Variants in DMD observed in about 807,000 individuals in gnomAD.
The protein encoded by DMD is mutant dystrophin.
Under a neutral mutation model 330.1 loss-of-function variants are expected in DMD, and 63 were observed. The ratio of observed to expected loss-of-function variants is 0.19; its 90% confidence interval spans 0.16 to 0.24. The LOEUF (loss-of-function observed/expected upper bound fraction) is 0.24, where lower values mean the gene tolerates loss of function less well. Ranked by LOEUF, DMD falls within the 10% of genes least tolerant of loss-of-function variation. DMD has a pLI of 1.00. For missense variants in DMD, 3,344 were observed against 2,684.1 expected, an observed-to-expected ratio of 1.25 and a Z score of -5.43; for synonymous variants, 1,223 against 959.8, an observed-to-expected ratio of 1.27 and a Z score of -5.07.
chrX:32,301,618 G>C (rs2097524129), intron 42 of DMD, among the ~76,000 whole-genome samples: 1 of 110,557 alleles, frequency 9.0e-6, no homozygotes, highest in Non-Finnish European at 1.9e-5. Flanking sequence ...ATTTAACCAG[G>C]AGAAAATAAA....
chrX:32,582,728 T>G (rs1419587418), intron 13 of DMD, among the ~76,000 whole-genome samples: 1 of 111,539 alleles, frequency 9.0e-6, no homozygotes. Context: ...AAAACAAACT[T>G]AATGTGACTA....
At chrX:33,244,137 T>G (rs1425992550) in intron 1 of DMD, among the ~76,000 whole-genome samples, 2 of 111,543 alleles carry the variant, frequency 1.8e-5, no homozygotes, top group Admixed American at 1.9e-4. Context: ...AGGACTGTGT[T>G]GAATAGAAGT....
At chrX:32,130,026 T>A (rs1274739910) in intron 44 of DMD, among the ~76,000 whole-genome samples, 3 of 108,647 alleles carry the variant, frequency 2.8e-5, no homozygotes, top group African/African-American at 1.0e-4. Context: ...CTTTTTAAGC[T>A]GGCTTTTTTC....
intron 42 of DMD, among the ~76,000 whole-genome samples, chrX:32,288,855 T>G (rs1192528518): frequency 9.0e-6 from 1 of 111,533 alleles, no homozygotes; most frequent in Non-Finnish European, 1.9e-5. Flanking sequence ...TTTTTGAGTT[T>G]TTTCCTGCAA....
At chrX:31,384,314 CTACTACT>C (rs1569536353) in intron 60 of DMD, among the ~76,000 whole-genome samples, 101 of 44,196 alleles carry the variant, frequency 2.3e-3, no homozygotes, top group East Asian at 6.7e-3. Flanking sequence ...TGCTTCACTA[CTACTACT>C]ACTACTACTA....
chrX:31,361,143 T>C (rs1476427969), intron 60 of DMD, among the ~76,000 whole-genome samples: 2 of 111,070 alleles, frequency 1.8e-5, no homozygotes, highest in African/African-American at 6.6e-5. Flanking sequence ...CAGAATACAA[T>C]GGGGTGAGTT....
At position 32,645,158 on chromosome X, in the gene DMD, C is replaced by T. The variant is rs886042535; in HGVS notation, c.961-6G>A. 4 of 1,209,812 alleles carry T rather than the reference C, an allele frequency of 3.3e-6. No individual in the cohort carries two copies. The South Asian group carries it at 7.0e-5, about 21-fold the overall frequency. ...TCTTCAGGAGCTTCCAAATGCTGCA[C>T]AATAAAATAAATTGGGTGTTACACA... On this transcript the variant is annotated splice_region_variant and splice_polypyrimidine_tract_variant and intron_variant, in intron 9 of 78. Transcript: ENST00000357033.
chrX:31,304,685 T>TA (rs2054897485), intron 62 of DMD, among the ~76,000 whole-genome samples: 1 of 110,274 alleles, frequency 9.1e-6, no homozygotes, highest in African/African-American at 3.3e-5. Flanking sequence ...TTTGCTTAAT[T>TA]AATGTAATGA....
At chrX:33,125,023 T>TA (rs59232009) in intron 1 of DMD, among the ~76,000 whole-genome samples, 836 of 27,862 alleles carry the variant, frequency 0.03, 32 homozygotes, top group Non-Finnish European at 0.042. Context: ...AAAGTCCATC[T>TA]AAAAAAAAAA....
intron 60 of DMD, among the ~76,000 whole-genome samples, chrX:31,371,224 A>T (rs956362673): frequency 3.6e-5 from 4 of 111,313 alleles, no homozygotes; most frequent in Non-Finnish European, 7.5e-5. Context: ...ACTCCATGTG[A>T]ATCTACAATT....
rs1389992951 is a variant in DMD, at chrX:31,182,673, A to T, written c.9974+65T>A. ...CAGCAACTGGCACAGGAGATAAAAGATCAAGTCATAAAAAGGTGAAAAATG... is the reference window on the plus strand; with the variant it reads ...CAGCAACTGGCACAGGAGATAAAAGTTCAAGTCATAAAAAGGTGAAAAATG... On this transcript the variant is annotated intron_variant, in intron 68 of 78. Transcript: ENST00000357033. The T allele has an allele frequency of 3.7e-6, 4 of 1,078,139 alleles. No individual in the cohort carries two copies. In the East Asian group the frequency reaches 1.2e-4, roughly 33 times the overall value. The allele number at this position is 1,078,139 out of a possible 1,213,427, so 88.9% of individuals were successfully genotyped here.
intron 1 of DMD, among the ~76,000 whole-genome samples, chrX:33,062,922 A>G (rs768825113): frequency 8.9e-6 from 1 of 112,380 alleles, no homozygotes; most frequent in Non-Finnish European, 1.9e-5. Flanking sequence ...AGCAGATTGG[A>G]AATTATGGCA....
intron 5 of DMD, among the ~76,000 whole-genome samples, chrX:32,817,237 T>A (rs1416751594): frequency 1.8e-5 from 2 of 110,893 alleles, no homozygotes; most frequent in East Asian, 5.7e-4. Context: ...TTGGCTGAAC[T>A]GAAAAGAAGA....
chrX:32,114,844 C>A (rs2096603676), intron 44 of DMD, among the ~76,000 whole-genome samples: 1 of 112,415 alleles, frequency 8.9e-6, no homozygotes, highest in Non-Finnish European at 1.9e-5. Flanking sequence ...ACAGTGAAAG[C>A]CACTGTCTGT....
chrX:32,779,000 C>A (rs189878702), intron 7 of DMD, among the ~76,000 whole-genome samples: 202 of 111,418 alleles, frequency 1.8e-3, no homozygotes, highest in Non-Finnish European at 2.7e-3. Context: ...TATTGAGTAT[C>A]CAGATTTCAC....
At chrX:31,539,628 T>C (rs762190121) in intron 55 of DMD, among the ~76,000 whole-genome samples, 69 of 111,819 alleles carry the variant, frequency 6.2e-4, no homozygotes, top group Admixed American at 2.6e-3. Context: ...GTAGGGGTCA[T>C]TGTCAATCAA....
At chrX:31,765,463 A>G (rs2089932171) in intron 51 of DMD, among the ~76,000 whole-genome samples, 2 of 111,897 alleles carry the variant, frequency 1.8e-5, no homozygotes, top group Non-Finnish European at 3.8e-5. Context: ...TGTTCAATAA[A>G]TAACAGATGA....
intron 77 of DMD, among the ~76,000 whole-genome samples, chrX:31,131,789 CT>C (rs765723395): frequency 8.9e-6 from 1 of 111,784 alleles, no homozygotes; most frequent in South Asian, 3.8e-4. Flanking sequence ...CCAAAAACCA[CT>C]TTTTTGAGTG....
At chrX:32,661,305 T>C (rs1392194871) in intron 9 of DMD, among the ~76,000 whole-genome samples, 5 of 111,120 alleles carry the variant, frequency 4.5e-5, no homozygotes, top group African/African-American at 9.8e-5. Context: ...GTGTTTACCA[T>C]TTGTGAGGGA....
Sources: allele counts gnomAD v4.1 joint callset (sites outside exome capture counted in the v4.1 genomes callset), GRCh38; gene constraint gnomAD v4.1.1; transcripts MANE v1.5; gene names NCBI Gene and HGNC (gene_info 2026-07-23, HGNC 2026-07-21).